ALMS1: variants seen among roughly 807,000 people sequenced by gnomAD.
The protein encoded by ALMS1 is ALMS1 centrosome and basal body associated protein.
In ALMS1, 271 loss-of-function variants were observed where a neutral mutation model predicts 352.2. The observed-to-expected ratio is 0.77, with a 90% CI of 0.70 to 0.85. The LOEUF (loss-of-function observed/expected upper bound fraction) is 0.85, where lower values mean the gene tolerates loss of function less well. ALMS1 is among the 40% of genes least tolerant of loss of function. ALMS1 has a pLI of 0.00. For synonymous variants in ALMS1, 1,865 were observed against 1,761.2 expected (o/e 1.06, Z -1.48); for missense variants, 5,445 against 4,870.7 (o/e 1.12, Z -3.51).
At chr2:73,535,247 T>G (rs1468713753) in intron 12 of ALMS1, among the ~76,000 whole-genome samples, 1 of 152,208 alleles carries the variant, frequency 6.6e-6, no homozygotes, top group African/African-American at 2.4e-5. Flanking sequence ...TTTCACTGAT[T>G]TATTTTCTCC....
In ALMS1 at chr2:73,572,303, G is replaced by C; in HGVS notation, c.10426G>C (p.Val3476Leu). 2 of 1,607,254 alleles carry C rather than the reference G, an allele frequency of 1.2e-6. No individual in the cohort carries two copies. Among genetic ancestry groups the C allele is most frequent in the South Asian group, 1.1e-5 (1 of 89,372 alleles). Residue 3476 changes from valine (V) to leucine (L), a missense_variant, in exon 16 of 23, where the codon GTC (valine) becomes CTC (leucine). By Grantham distance (32) the Val-to-Leu change is conservative. Transcript: ENST00000613296. ...AGAATTTGAAAATACTACCCGTTCT[G>C]TCTTCAGGTCAGCAAAGTTTTACAT... The part of the protein sequence containing the change: ...HSEFENTTRS[V>L]FRSAKFYIHH...
At chr2:73,578,283 A>T (rs999064017) in intron 16 of ALMS1, among the ~76,000 whole-genome samples, 1 of 152,180 alleles carries the variant, frequency 6.6e-6, no homozygotes, top group African/African-American at 2.4e-5. Flanking sequence ...GATGTAAAGT[A>T]AGTCTCTTTT....
At position 73,477,808 on chromosome 2, in the gene ALMS1, G is replaced by A. The variant is rs143725621; in HGVS notation, c.7675-11826G>A. On this transcript the variant is annotated intron_variant, in intron 9 of 22. Transcript: ENST00000613296. Reference sequence around the variant, plus strand: ...GTGTATTAAAATACAGTTGATTTTTGTATATTGCACTGGCATCCTGCAGCT... The same window carrying A: ...GTGTATTAAAATACAGTTGATTTTTATATATTGCACTGGCATCCTGCAGCT... Among the ~76,000 whole-genome samples the A allele has an allele frequency of 2.0e-5, 3 of 152,082 alleles. No homozygotes were observed. The East Asian group carries it at 5.8e-4, about 29-fold the overall frequency.
At chr2:73,484,015 G>A (rs1410164561) in intron 9 of ALMS1, among the ~76,000 whole-genome samples, 1 of 151,548 alleles carries the variant, frequency 6.6e-6, no homozygotes, top group African/African-American at 2.4e-5. Context: ...GATGGGTCTT[G>A]ACTCTTTATC....
In ALMS1 at chr2:73,609,571, G is replaced by A. The variant is rs779259646; in HGVS notation, c.12466G>A (p.Val4156Met). 4 of 1,614,154 alleles carry A rather than the reference G, an allele frequency of 2.5e-6. No homozygotes were observed. The Admixed American group carries it at 5.0e-5, about 20-fold the overall frequency. The change falls in exon 23 of 23, where the codon GTG (valine) becomes ATG (methionine). Residue 4156 changes from valine (V) to methionine (M), a missense_variant. Val to Met is a conservative substitution (Grantham distance 21, BLOSUM62 1). Transcript: ENST00000613296. ...RLRAQLYKKRVTNQLLGRKVP... is the reference protein window; with the variant it reads ...RLRAQLYKKRMTNQLLGRKVP... ...CTGCCTTTCTTTTCTTCTACAGAGA[G>A]TGACCAATCAACTTCTGGGGAGAAA... is the stretch of plus-strand genomic sequence containing the variant.
intron 16 of ALMS1, among the ~76,000 whole-genome samples, chr2:73,590,820 A>T (rs6727745): frequency 0.019 from 2,938 of 151,794 alleles, 112 homozygotes; most frequent in African/African-American, 0.065. Context: ...TTGGGATTAC[A>T]GGTGCGCACC....
rs770278707 is a variant in ALMS1, at chr2:73,450,326, G to C, written c.3799G>C (p.Val1267Leu). The C allele has an allele frequency of 6.2e-6, 10 of 1,613,100 alleles. No homozygotes were observed. The South Asian group carries it at 8.8e-5, about 14-fold the overall frequency. Residue 1267 changes from valine (V) to leucine (L), a missense_variant, in exon 8 of 23, where the codon GTT becomes CTT. Transcript: ENST00000613296. ...HPTEEALKISVASEPVDQTTG... is the reference protein window; with the variant it reads ...HPTEEALKISLASEPVDQTTG... The stretch of plus-strand genomic sequence containing the variant: ...AACTGAAGAGGCTCTGAAAATTTCA[G>C]TTGCCTCTGAACCAGTTGACCAGAC...
At position 73,385,961 on chromosome 2, in the gene ALMS1, G is replaced by C. The variant is rs13009609; in HGVS notation, c.93G>C (p.Ala31=). 4.3e-6 allele frequency: 6 copies of C among 1,389,054 alleles called. No homozygotes were observed. The highest frequency in any genetic ancestry group is 4.0e-6 in the Non-Finnish European group (4 of 1,004,236). 86.0% of individuals were successfully genotyped at this position (1,389,054 alleles called of 1,614,324 possible). A position where few individuals can be genotyped will look rare whatever the true frequency, so the allele number is the denominator to read the frequency against. The change falls in exon 1 of 23, where the codon GCG becomes GCC. Residue 31 remains alanine, a synonymous_variant. Coordinates refer to ENST00000613296, the MANE Select transcript of ALMS1 (RefSeq NM_001378454.1). Reference sequence around the variant, plus strand: ...AGGAGGAAGAGGAGGAGGCTGCAGCGGCGGCGGCGGCGAACGTGGACGACG... The same window carrying C: ...AGGAGGAAGAGGAGGAGGCTGCAGCCGCGGCGGCGGCGAACGTGGACGACG... ...EEEEEEEEAA[A]AAAANVDDVV... is the part of the protein sequence containing the mutation.
chr2:73,579,183 C>A (rs531358018), intron 16 of ALMS1, among the ~76,000 whole-genome samples: 3 of 151,188 alleles, frequency 2.0e-5, no homozygotes, highest in Non-Finnish European at 2.9e-5. Context: ...CCTCGACCTC[C>A]CAAGTAGCTG....
chr2:73,558,966 T>G lies in ALMS1; in HGVS notation c.10214-6T>G. 1 of 1,613,912 alleles carries G rather than the reference T, an allele frequency of 6.2e-7. No homozygotes were observed. Reference sequence around the variant, plus strand: ...TCTGTATAGTGTGTTAATTTCCCTTTCGTAGATTCCAGTGCTGCTGCTGCT... The same window carrying G: ...TCTGTATAGTGTGTTAATTTCCCTTGCGTAGATTCCAGTGCTGCTGCTGCT... On this transcript the variant is annotated splice_region_variant and splice_polypyrimidine_tract_variant and intron_variant, in intron 14 of 22. Coordinates refer to ENST00000613296, the MANE Select transcript of ALMS1 (RefSeq NM_001378454.1).
chr2:73,452,643 C>T lies in ALMS1; in HGVS notation c.6116C>T (p.Pro2039Leu). The change falls in exon 8 of 23, where the codon CCA becomes CTA. Residue 2039 changes from proline to leucine, a missense_variant. By Grantham distance (98) the Pro-to-Leu change is moderately conservative. Transcript: ENST00000613296. ...TVIGPNDQKT[P>L]SQTAFHSSYS... ...ATTGGACCAAATGACCAGAAGACTC[C>T]ATCCCAGACAGCTTTTCATAGTTCC... The T allele has an allele frequency of 6.2e-7, 1 of 1,613,980 alleles. No homozygotes were observed. Among genetic ancestry groups the T allele is most frequent in the South Asian group, 1.1e-5 (1 of 91,076 alleles).
At chr2:73,440,172 G>A (rs1328312948) in intron 7 of ALMS1, among the ~76,000 whole-genome samples, 8 of 151,418 alleles carry the variant, frequency 5.3e-5, no homozygotes, top group East Asian at 2.0e-4. Flanking sequence ...TAGTAAAGAC[G>A]GGGTTTCACC....
intron 9 of ALMS1, among the ~76,000 whole-genome samples, chr2:73,463,865 T>G (rs200680480): frequency 3.3e-5 from 5 of 149,418 alleles, no homozygotes; most frequent in Admixed American, 6.7e-5. Context: ...ACAAATTCTT[T>G]GACACATACA....
chr2:73,421,505 A>C (rs943545417), intron 3 of ALMS1, among the ~76,000 whole-genome samples: 1 of 152,156 alleles, frequency 6.6e-6, no homozygotes, highest in East Asian at 1.9e-4. Flanking sequence ...GAACTGTACC[A>C]ATTGTTCCTT....
chr2:73,416,300 C>A (rs895627291), intron 2 of ALMS1, among the ~76,000 whole-genome samples: 10 of 152,120 alleles, frequency 6.6e-5, no homozygotes, highest in Admixed American at 2.0e-4. Context: ...TTTCCAGTAG[C>A]AATTTGATGT....
At chr2:73,599,626 A>G (rs1434192338) in intron 17 of ALMS1, 105 bp downstream of exon 17, 3 of 1,343,546 alleles carry the variant, frequency 2.2e-6, no homozygotes, top group Non-Finnish European at 3.1e-6. Context: ...AGATAAAACT[A>G]TATCCAACTG....
intron 9 of ALMS1, among the ~76,000 whole-genome samples, chr2:73,460,014 A>G (rs1672152448): frequency 6.6e-6 from 1 of 152,130 alleles, no homozygotes. Context: ...AGTACATCCA[A>G]TTCCATTCCA....
At chr2:73,540,856 G>A (rs1385304080) in intron 12 of ALMS1, among the ~76,000 whole-genome samples, 1 of 152,226 alleles carries the variant, frequency 6.6e-6, no homozygotes, top group Non-Finnish European at 1.5e-5. Flanking sequence ...CAATACAGGA[G>A]CACCCAGATT....
At chr2:73,526,549 T>C (rs994159528) in intron 11 of ALMS1, among the ~76,000 whole-genome samples, 1 of 152,086 alleles carries the variant, frequency 6.6e-6, no homozygotes, top group Non-Finnish European at 1.5e-5. Context: ...TGTGTGGCTA[T>C]TGTAAATGGG....
Sources: gnomAD v4.1 joint callset for allele counts (sites outside exome capture counted in the v4.1 genomes callset) on GRCh38, gnomAD v4.1.1 for gene constraint, MANE v1.5 for transcripts, NCBI Gene and HGNC (gene_info 2026-07-23, HGNC 2026-07-21) for gene names.